DMXL1: variants seen among roughly 807,000 people sequenced by gnomAD.
The protein encoded by DMXL1 is dmX-like protein 1.
A neutral mutation model predicts 319.2 loss-of-function variants in DMXL1; 99 were observed. That is an observed-to-expected ratio of 0.31 (90% CI 0.26 to 0.37). DMXL1 has a LOEUF of 0.37. Ranked by LOEUF, DMXL1 falls within the 10% of genes least tolerant of loss-of-function variation. The pLI, the probability that DMXL1 is intolerant of heterozygous loss-of-function variation, is 1.00. For missense variants in DMXL1, 3,745 were observed against 3,595.6 expected (o/e 1.04, Z -1.06); for synonymous variants, 1,385 against 1,235.2 (o/e 1.12, Z -2.54).
intron 20 of DMXL1, 40 bp from the exon 21 acceptor site, chr5:119,165,143 C>G (rs1296373761): frequency 8.0e-7 from 1 of 1,253,720 alleles, no homozygotes; most frequent in South Asian, 1.3e-5. Context: ...TTGTTCAAAA[C>G]TGTTTCTGTG....
chr5:119,185,517 T>G (rs563473566), intron 28 of DMXL1, among the ~76,000 whole-genome samples: 8 of 151,906 alleles, frequency 5.3e-5, no homozygotes, highest in South Asian at 2.1e-4. Context: ...TTGTTTGTTT[T>G]TTTGAGACAG....
At chr5:119,218,420 A>G (rs796676009) in intron 35 of DMXL1, among the ~76,000 whole-genome samples, 16 of 151,896 alleles carry the variant, frequency 1.1e-4, no homozygotes, top group African/African-American at 3.6e-4. Context: ...CAGATTTGCT[A>G]TTTTTATTTA....
At position 119,171,284 on chromosome 5, in the gene DMXL1, T is replaced by C. The variant is rs1774488522; in HGVS notation, c.6489+4T>C. ...GCTTTTGCAAGAATCTCAGCAGGTA[T>C]GTAATTTACTTGATAGTCAAAAATG... On this transcript the variant is annotated splice_donor_region_variant and intron_variant, in intron 24 of 43. Coordinates refer to ENST00000539542, the MANE Select transcript of DMXL1 (RefSeq NM_001290321.3). 6.4e-7 allele frequency: 1 copy of C among 1,574,530 alleles called. No homozygotes were observed.
intron 34 of DMXL1, among the ~76,000 whole-genome samples, chr5:119,210,353 C>T (rs1223741613): frequency 6.6e-6 from 1 of 152,130 alleles, no homozygotes; most frequent in East Asian, 1.9e-4. Context: ...GAAATCTTTG[C>T]CTAACCTAAG....
intron 9 of DMXL1, among the ~76,000 whole-genome samples, chr5:119,122,675 C>T (rs1425533298): frequency 3.3e-5 from 5 of 151,676 alleles, no homozygotes; most frequent in South Asian, 2.1e-4. Context: ...GGGTCGCTGC[C>T]GGGCAGAGGC....
chr5:119,218,833 T>A (rs1016040397), intron 35 of DMXL1, among the ~76,000 whole-genome samples: 1 of 152,222 alleles, frequency 6.6e-6, no homozygotes, highest in Admixed American at 6.5e-5. Flanking sequence ...TGCATTTTTT[T>A]AAATGCCATT....
intron 18 of DMXL1, 37 bp from the exon 19 acceptor site, chr5:119,151,892 T>G (rs761410226): frequency 6.0e-5 from 87 of 1,441,898 alleles, no homozygotes; most frequent in Admixed American, 1.7e-5. Flanking sequence ...TTACAATTTT[T>G]TTTTTAATAC....
Position 119,142,955 on chromosome 5 carries a change from T to C in DMXL1, c.2377-886T>C, listed in dbSNP as rs146976394. Among the ~76,000 whole-genome samples the C allele has an allele frequency of 2.0e-5, 3 of 152,234 alleles. 1 individual carries two copies. The East Asian group carries it at 5.8e-4, about 29-fold the overall frequency. ...AGGCCATTCTTTAAGGAGGCCATTA[T>C]CCTTAGCAAACTAACAGGAATAGAA... On this transcript the variant is annotated intron_variant, in intron 13 of 43. Transcript: ENST00000539542.
chr5:119,242,768 A>G (rs939082578), intron 42 of DMXL1, among the ~76,000 whole-genome samples: 1 of 152,240 alleles, frequency 6.6e-6, no homozygotes, highest in Non-Finnish European at 1.5e-5. Flanking sequence ...TATAGATCAT[A>G]GAACAGAATG....
At chr5:119,145,387 A>G (rs994406906) in intron 15 of DMXL1, among the ~76,000 whole-genome samples, 2 of 151,612 alleles carry the variant, frequency 1.3e-5, no homozygotes, top group African/African-American at 2.4e-5. Context: ...ATTTCTTACC[A>G]TTGCTTTTAG....
chr5:119,078,561 C>A (rs1313769276), intron 1 of DMXL1, among the ~76,000 whole-genome samples: 1 of 152,156 alleles, frequency 6.6e-6, no homozygotes, highest in Admixed American at 6.5e-5. Context: ...ATCAGTCTTC[C>A]CACTTCAGTC....
Position 119,160,138 on chromosome 5 carries a change from G to T in DMXL1, c.4703-4369G>T, listed in dbSNP as rs890897085. ...AATAGTAGGTTGTTTATTTGACAGA[G>T]ATATATATATATATATGGGGGGAGG... On this transcript the variant is annotated intron_variant, in intron 19 of 43. Coordinates refer to ENST00000539542, the MANE Select transcript of DMXL1 (RefSeq NM_001290321.3). 3.3e-5 allele frequency among the ~76,000 whole-genome samples: 5 copies of T among 149,448 alleles called. No homozygotes were observed. The East Asian group carries it at 7.8e-4, about 23-fold the overall frequency.
intron 13 of DMXL1, among the ~76,000 whole-genome samples, chr5:119,135,115 T>G (rs1466647435): frequency 6.6e-6 from 1 of 152,202 alleles, no homozygotes; most frequent in African/African-American, 2.4e-5. Flanking sequence ...ATGCATAATT[T>G]TGCAGAACAC....
In DMXL1 at chr5:119,170,559, A is replaced by G. The variant is rs750429623; in HGVS notation, c.5768A>G (p.Asp1923Gly). 6.2e-7 allele frequency: 1 copy of G among 1,613,850 alleles called. No individual in the cohort carries two copies. Among genetic ancestry groups the G allele is most frequent in the Non-Finnish European group, 8.5e-7 (1 of 1,179,902 alleles). ...AGGGAAGATAAGTCTTCTGCTGTTG[A>G]TTGGTCACAGTCACTGATAAATGGT... ...DAREDKSSAVDWSQSLINGFG... is the reference protein window; with the variant it reads ...DAREDKSSAVGWSQSLINGFG... The change falls in exon 24 of 44, where the codon GAT becomes GGT. Residue 1923 changes from aspartate to glycine, a missense_variant. By Grantham distance (94) the Asp-to-Gly change is moderately conservative. Transcript: ENST00000539542.
intron 13 of DMXL1, among the ~76,000 whole-genome samples, 176 bp downstream of exon 13, chr5:119,134,565 C>A (rs577889887): frequency 6.6e-6 from 1 of 152,226 alleles, no homozygotes; most frequent in African/African-American, 2.4e-5. Context: ...TAAAAGGAAA[C>A]CATTTCTTTC....
chr5:119,077,927 G>T (rs1345860537), intron 1 of DMXL1, among the ~76,000 whole-genome samples: 2 of 149,896 alleles, frequency 1.3e-5, no homozygotes, highest in Non-Finnish European at 3.0e-5. Context: ...TACAGATAGG[G>T]TCTCTCCATG....
chr5:119,075,011 C>T (rs988930514), intron 1 of DMXL1, among the ~76,000 whole-genome samples: 4 of 152,000 alleles, frequency 2.6e-5, no homozygotes, highest in Non-Finnish European at 5.9e-5. Context: ...GCTGTAAGTC[C>T]ATGGTTTAGC....
intron 32 of DMXL1, among the ~76,000 whole-genome samples, chr5:119,198,446 G>A (rs1012382510): frequency 2.0e-5 from 3 of 152,188 alleles, no homozygotes; most frequent in Non-Finnish European, 2.9e-5. Flanking sequence ...AAAATGGTAG[G>A]TAGGCTAGAT....
chr5:119,148,260 A>C (rs1314801870), intron 17 of DMXL1, among the ~76,000 whole-genome samples: 1 of 152,168 alleles, frequency 6.6e-6, no homozygotes, highest in East Asian at 1.9e-4. Flanking sequence ...ATATTGAAAA[A>C]TGTGAAAGAG....
Sources: gnomAD v4.1 joint callset for allele counts (sites outside exome capture counted in the v4.1 genomes callset) on GRCh38, gnomAD v4.1.1 for gene constraint, MANE v1.5 for transcripts, NCBI Gene and HGNC (gene_info 2026-07-23, HGNC 2026-07-21) for gene names.